NCKAP5: variants seen among roughly 807,000 people sequenced by gnomAD.
The protein encoded by NCKAP5 is NCK associated protein 5.
NCKAP5 carries 92 observed loss-of-function variants against 167.0 expected under a neutral mutation model. The ratio of observed to expected loss-of-function variants is 0.55; its 90% CI spans 0.47 to 0.66. The LOEUF is 0.66. NCKAP5 is among the 30% of genes least tolerant of loss of function. The pLI, the probability that NCKAP5 is intolerant of heterozygous loss-of-function variation, is 0.00. For synonymous variants in NCKAP5, 891 were observed against 877.4 expected (o/e 1.02, Z -0.27); for missense variants, 2,378 against 2,315.0 (o/e 1.03, Z -0.56).
intron 6 of NCKAP5, among the ~76,000 whole-genome samples, chr2:133,080,782 C>T (rs559406937): frequency 1.1e-4 from 17 of 151,724 alleles, no homozygotes; most frequent in Non-Finnish European, 1.8e-4. Context: ...AAAAATTAGC[C>T]GAAAAAGGTA....
chr2:133,137,797 G>C (rs552015774), intron 5 of NCKAP5, among the ~76,000 whole-genome samples: 1 of 152,154 alleles, frequency 6.6e-6, no homozygotes, highest in Non-Finnish European at 1.5e-5. Flanking sequence ...TTGAACACTC[G>C]AACAAAGGAT....
chr2:132,996,189 T>C (rs1013558811), intron 6 of NCKAP5, among the ~76,000 whole-genome samples: 2 of 152,206 alleles, frequency 1.3e-5, no homozygotes, highest in African/African-American at 4.8e-5. Flanking sequence ...TAGTATGTCA[T>C]GTTGAGAATG....
At chr2:133,192,780 A>G (rs559231985) in intron 5 of NCKAP5, among the ~76,000 whole-genome samples, 1 of 152,220 alleles carries the variant, frequency 6.6e-6, no homozygotes, top group African/African-American at 2.4e-5. Context: ...ATGTGCAGAA[A>G]CCAAATCACT....
chr2:132,779,006 G>A (rs1470561705), intron 15 of NCKAP5, among the ~76,000 whole-genome samples: 1 of 152,108 alleles, frequency 6.6e-6, no homozygotes, highest in African/African-American at 2.4e-5. Flanking sequence ...CAACTACCCA[G>A]GTTAATAACA....
chr2:132,899,069 C>T (rs530067142), intron 8 of NCKAP5, among the ~76,000 whole-genome samples: 10 of 152,298 alleles, frequency 6.6e-5, no homozygotes, highest in Non-Finnish European at 7.4e-5. Context: ...TTGACCCCTA[C>T]ATCAAAAAAT....
chr2:132,816,444 C>T (rs566833789), intron 11 of NCKAP5, among the ~76,000 whole-genome samples: 5 of 152,230 alleles, frequency 3.3e-5, no homozygotes, highest in African/African-American at 1.2e-4. Flanking sequence ...CTGGAAGCCC[C>T]TGCTTGTTTC....
chr2:133,500,379 G>A (rs563334120), intron 3 of NCKAP5, among the ~76,000 whole-genome samples: 2 of 152,220 alleles, frequency 1.3e-5, no homozygotes, highest in Admixed American at 1.3e-4. Flanking sequence ...CAACTCAAGC[G>A]TGCTCATCAC....
At chr2:133,331,529 G>C (rs555472597) in intron 3 of NCKAP5, among the ~76,000 whole-genome samples, 1 of 152,168 alleles carries the variant, frequency 6.6e-6, no homozygotes, top group Non-Finnish European at 1.5e-5. Flanking sequence ...GAGCAGCAAC[G>C]TGTTCTGCTC....
At chr2:133,452,569 G>A (rs564747584) in intron 3 of NCKAP5, among the ~76,000 whole-genome samples, 37 of 152,310 alleles carry the variant, frequency 2.4e-4, no homozygotes, top group African/African-American at 8.7e-4. Flanking sequence ...GGGAGAGGCA[G>A]GTGATACATT....
chr2:133,257,776 G>C (rs2088693078), intron 4 of NCKAP5, among the ~76,000 whole-genome samples: 1 of 152,312 alleles, frequency 6.6e-6, no homozygotes, highest in African/African-American at 2.4e-5. Context: ...CCAACATTAT[G>C]TGCTAAAATC....
intron 3 of NCKAP5, among the ~76,000 whole-genome samples, chr2:133,499,052 A>T (rs1328858150): frequency 1.3e-5 from 2 of 152,236 alleles, no homozygotes; most frequent in Non-Finnish European, 2.9e-5. Context: ...TTTACTTTGC[A>T]TGGGGAGTAG....
At chr2:133,581,953 A>G in the NCKAP5 span, among the ~76,000 whole-genome samples, 6 of 152,238 alleles carry the variant, frequency 3.9e-5, no homozygotes, top group African/African-American at 1.4e-4. Flanking sequence ...GAAGAAATGG[A>G]TCAAGAGGAT....
intron 3 of NCKAP5, among the ~76,000 whole-genome samples, chr2:133,475,447 C>A (rs1162882387): frequency 1.3e-5 from 2 of 152,172 alleles, no homozygotes; most frequent in South Asian, 2.1e-4. Context: ...ACATCCCCAA[C>A]CCACAACTAA....
At chr2:132,832,407 G>A (rs970782172) in intron 11 of NCKAP5, among the ~76,000 whole-genome samples, 1 of 152,088 alleles carries the variant, frequency 6.6e-6, no homozygotes, top group Admixed American at 6.5e-5. Context: ...TGGGGTACAA[G>A]TGCAACTTTG....
intron 6 of NCKAP5, among the ~76,000 whole-genome samples, chr2:133,020,170 C>T (rs2078477163): frequency 6.6e-6 from 1 of 152,234 alleles, no homozygotes; most frequent in African/African-American, 2.4e-5. Context: ...CCAAAGACGA[C>T]ATCATGGGAA....
chr2:133,021,358 G>T (rs2078521377), intron 6 of NCKAP5, among the ~76,000 whole-genome samples: 1 of 152,152 alleles, frequency 6.6e-6, no homozygotes, highest in Non-Finnish European at 1.5e-5. Flanking sequence ...GAACAAAGGG[G>T]TCCTTAGCAG....
At chr2:133,498,522 G>GAA (rs1370926220) in intron 3 of NCKAP5, among the ~76,000 whole-genome samples, 6 of 133,724 alleles carry the variant, frequency 4.5e-5, no homozygotes, top group Non-Finnish European at 9.6e-5. Flanking sequence ...CAGCCAAGAA[G>GAA]AAAAGGGCGG....
intron 19 of NCKAP5, among the ~76,000 whole-genome samples, chr2:132,685,206 G>C (rs1341711391): frequency 6.6e-6 from 1 of 152,132 alleles, no homozygotes; most frequent in East Asian, 1.9e-4. Context: ...TATAGCAGAC[G>C]ATGACCTTCT....
intron 19 of NCKAP5, among the ~76,000 whole-genome samples, chr2:132,690,335 A>C (rs1278831301): frequency 6.6e-6 from 1 of 152,140 alleles, no homozygotes; most frequent in East Asian, 1.9e-4. Flanking sequence ...TTGTGTCCTA[A>C]CTGCTGGGAT....
Sources: gnomAD v4.1 joint callset for allele counts (sites outside exome capture counted in the v4.1 genomes callset) on GRCh38, gnomAD v4.1.1 for gene constraint, MANE v1.5 for transcripts, NCBI Gene and HGNC (gene_info 2026-07-23, HGNC 2026-07-21) for gene names.